LSM12: variants seen among roughly 807,000 people sequenced by gnomAD.
The protein encoded by LSM12 is protein LSM12.
For synonymous variants in LSM12, 74 were observed against 87.3 expected (o/e 0.85, Z 0.85); for missense variants, 108 against 238.9 (o/e 0.45, Z 3.61).
intron 2 of LSM12, among the ~76,000 whole-genome samples, chr17:44,057,065 A>G (rs1297075448): frequency 6.6e-6 from 1 of 152,002 alleles, no homozygotes; most frequent in Non-Finnish European, 1.5e-5. Flanking sequence ...CTGAGACAGG[A>G]GAACTGCTTT....
At chr17:44,061,266 G>A (rs1028982775) in intron 2 of LSM12, among the ~76,000 whole-genome samples, 8 of 148,422 alleles carry the variant, frequency 5.4e-5, no homozygotes, top group Non-Finnish European at 8.9e-5. Flanking sequence ...GCGGTGAGCC[G>A]AGGTTGCACC....
At chr17:44,058,538 CA>C (rs200262441) in intron 2 of LSM12, among the ~76,000 whole-genome samples, 6 of 149,870 alleles carry the variant, frequency 4.0e-5, no homozygotes, top group African/African-American at 9.8e-5. Flanking sequence ...CCTGTCTCTA[CA>C]AAAAAAAACT....
intron 3 of LSM12, among the ~76,000 whole-genome samples, chr17:44,038,719 A>C (rs940073760): frequency 6.6e-6 from 1 of 152,238 alleles, no homozygotes; most frequent in Non-Finnish European, 1.5e-5. Flanking sequence ...CTTATCACCC[A>C]TAATGGGAGC....
chr17:44,063,335 A>G (rs2049824526), intron 2 of LSM12, among the ~76,000 whole-genome samples: 1 of 152,226 alleles, frequency 6.6e-6, no homozygotes, highest in Admixed American at 6.5e-5. Context: ...ATTCAAACAT[A>G]AAGACAAAAA....
At chr17:44,040,419 C>G in intron 2 of LSM12, 163 bp from the exon 3 acceptor site, 1 of 568,332 alleles carries the variant, frequency 1.8e-6, no homozygotes, top group Non-Finnish European at 3.2e-6. Flanking sequence ...CCACGACATA[C>G]CTGAACAGTT....
intron 1 of LSM12, among the ~76,000 whole-genome samples, chr17:44,064,408 T>G (rs999835286): frequency 3.3e-5 from 5 of 152,168 alleles, no homozygotes; most frequent in Admixed American, 6.5e-5. Flanking sequence ...TCCAACCATT[T>G]AAGAGCCTAC....
chr17:44,066,743 G>A, upstream of LSM12: 2 of 963,200 alleles, frequency 2.1e-6, no homozygotes, highest in Non-Finnish European at 2.7e-6. Context: ...CCTAGGTGGA[G>A]TGGGAAAGAA....
rs779763432 is a variant in LSM12 at position 44,036,253 on chromosome 17, A to G, written c.543T>C (p.Arg181=). 3 of 1,613,534 alleles carry G rather than the reference A, an allele frequency of 1.9e-6. No individual in the cohort carries two copies. Among genetic ancestry groups the G allele is most frequent in the Non-Finnish European group, 2.5e-6 (3 of 1,179,888 alleles). Residue 181 remains arginine, a synonymous_variant, in exon 5 of 5, where the codon CGT becomes CGC. Transcript: ENST00000293406. ...CCTTCTGTGGTTGCTGGGCTTGTGA[A>G]CGTTGCAGTATCTTTTGGCTTTCCA... ...RDVESQKILQ[R]SQAQQPQKEA... is the part of the protein sequence containing the mutation.
chr17:44,046,109 G>C (rs1318018162), intron 2 of LSM12, among the ~76,000 whole-genome samples: 1 of 150,222 alleles, frequency 6.7e-6, no homozygotes, highest in Non-Finnish European at 1.5e-5. Flanking sequence ...GATAATTTTT[G>C]TATTTTTAGT....
At chr17:44,062,221 CAAAAAAAAAAAA>C (rs529081923) in intron 2 of LSM12, among the ~76,000 whole-genome samples, 1 of 63,892 alleles carries the variant, frequency 1.6e-5, no homozygotes, top group Non-Finnish European at 2.8e-5. Flanking sequence ...GACTCCGTCT[CAAAAAAAAAAAA>C]AAAAAAAAAA....
At chr17:44,066,195 G>A (rs764369472) in intron 1 of LSM12, among the ~76,000 whole-genome samples, 28 of 105,568 alleles carry the variant, frequency 2.7e-4, no homozygotes, top group Non-Finnish European at 3.7e-4. Context: ...CCCCCAAAAA[G>A]CCATCCCCGT....
chr17:44,049,279 G>A (rs1567958574), intron 2 of LSM12, among the ~76,000 whole-genome samples: 2 of 152,072 alleles, frequency 1.3e-5, no homozygotes, highest in East Asian at 3.8e-4. Context: ...ATTTTTGTTT[G>A]TTTGTTTTTG....
At chr17:44,040,679 A>G (rs2049475970) in intron 2 of LSM12, among the ~76,000 whole-genome samples, 1 of 152,124 alleles carries the variant, frequency 6.6e-6, no homozygotes, top group South Asian at 2.1e-4. Context: ...AGATTTAAAA[A>G]TATATACATT....
intron 2 of LSM12, among the ~76,000 whole-genome samples, chr17:44,055,156 AT>A (rs1338305615): frequency 6.6e-6 from 1 of 152,060 alleles, no homozygotes; most frequent in South Asian, 2.1e-4. Flanking sequence ...AGCCAGAAAC[AT>A]TTTTTAACTA....
At chr17:44,060,072 G>A (rs2049776177) in intron 2 of LSM12, among the ~76,000 whole-genome samples, 1 of 152,216 alleles carries the variant, frequency 6.6e-6, no homozygotes. Flanking sequence ...GGCTGAGGCA[G>A]GAGAATGGCA....
At position 44,052,260 on chromosome 17, in the gene LSM12, C is replaced by CA. The variant is rs941955711; in HGVS notation, c.258+11540dup. On this transcript the variant is annotated intron_variant, in intron 2 of 4. Transcript: ENST00000293406. The stretch of plus-strand genomic sequence containing the variant: ...CTAAATTAAAAAAAAAAACAAACAA[C>CA]AAAAAAAAAACCCTGAGCCCAGCCT... 1.2e-3 allele frequency among the ~76,000 whole-genome samples: 166 copies of CA among 139,414 alleles called. 2 individuals are homozygous for CA. Among genetic ancestry groups the CA allele is most frequent in the East Asian group, 8.1e-3 (39 of 4,806 alleles). The allele number at this position is 139,414 out of a possible 152,430, so 91.5% of individuals were successfully genotyped here.
chr17:44,043,219 C>T (rs142337167), intron 2 of LSM12, among the ~76,000 whole-genome samples: 6 of 152,302 alleles, frequency 3.9e-5, no homozygotes, highest in African/African-American at 1.4e-4. Context: ...TCAGCCTCCC[C>T]GGGTAAGAGA....
chr17:44,050,295 A>C (rs890234163), intron 2 of LSM12, among the ~76,000 whole-genome samples: 4 of 148,082 alleles, frequency 2.7e-5, no homozygotes, highest in Non-Finnish European at 4.4e-5. Context: ...TTTTTAGTAG[A>C]GACGGGGTTT....
intron 2 of LSM12, among the ~76,000 whole-genome samples, chr17:44,057,153 T>G (rs2049726411): frequency 6.6e-6 from 1 of 150,420 alleles, no homozygotes; most frequent in South Asian, 2.1e-4. Context: ...AAGACTTTTT[T>G]TTTCTTTTTT....
Sources: allele counts gnomAD v4.1 joint callset (sites outside exome capture counted in the v4.1 genomes callset), GRCh38; gene constraint gnomAD v4.1.1; transcripts MANE v1.5; gene names NCBI Gene and HGNC (gene_info 2026-07-23, HGNC 2026-07-21).